The following NCK1 variants were observed in gnomAD, a reference collection of about 807,000 sequenced individuals.
The protein encoded by NCK1 is SH2/SH3 adapter protein NCK1.
NCK1 carries 19 observed loss-of-function variants against 36.6 expected under a neutral mutation model. The ratio of observed to expected loss-of-function variants is 0.52; its 90% confidence interval spans 0.36 to 0.76. The LOEUF (loss-of-function observed/expected upper bound fraction) is 0.76, where lower values mean the gene tolerates loss of function less well. NCK1 is among the 30% of genes least tolerant of loss of function. The pLI is 0.00. For missense variants in NCK1, 358 were observed against 445.6 expected, an observed-to-expected ratio of 0.80 and a Z score of 1.77; for synonymous variants, 165 against 156.0, an observed-to-expected ratio of 1.06 and a Z score of -0.43.
chr3:136,912,019 G>A (rs1939838366), intron 1 of NCK1, among the ~76,000 whole-genome samples: 1 of 152,052 alleles, frequency 6.6e-6, no homozygotes, highest in African/African-American at 2.4e-5. Context: ...CCTTTCAAGA[G>A]TCTCTGTTTC....
intron 1 of NCK1, among the ~76,000 whole-genome samples, chr3:136,903,487 C>T (rs547079174): frequency 1.3e-5 from 2 of 152,146 alleles, no homozygotes; most frequent in South Asian, 2.1e-4. Flanking sequence ...TACAATGGTG[C>T]GGTCTTGGCT....
intron 1 of NCK1, among the ~76,000 whole-genome samples, chr3:136,919,712 A>C (rs1485062294): frequency 6.6e-6 from 1 of 152,194 alleles, no homozygotes. Flanking sequence ...TTAATCAGTC[A>C]TATTGTGTAT....
At chr3:136,866,654 C>T (rs1301092647) in intron 1 of NCK1, among the ~76,000 whole-genome samples, 3 of 150,496 alleles carry the variant, frequency 2.0e-5, no homozygotes, top group Non-Finnish European at 4.4e-5. Context: ...CACTCTGTCA[C>T]CCAGGCTGGA....
chr3:136,874,817 C>A (rs986053479), intron 1 of NCK1, among the ~76,000 whole-genome samples: 2 of 143,692 alleles, frequency 1.4e-5, no homozygotes, highest in African/African-American at 5.1e-5. Context: ...AACTTTTTTT[C>A]ATGTTCATGC....
intron 1 of NCK1, among the ~76,000 whole-genome samples, chr3:136,915,929 T>C (rs1369167152): frequency 3.3e-5 from 5 of 152,136 alleles, no homozygotes; most frequent in Non-Finnish European, 7.4e-5. Context: ...TTTCACCACG[T>C]TGGCCATGCT....
At chr3:136,871,484 A>G (rs1430498723) in intron 1 of NCK1, among the ~76,000 whole-genome samples, 3 of 152,220 alleles carry the variant, frequency 2.0e-5, no homozygotes, top group Admixed American at 6.5e-5. Flanking sequence ...TAGAATGTTT[A>G]TATTTGTAGA....
In NCK1 at chr3:136,947,711, A is replaced by G. The variant is rs1940865025; in HGVS notation, c.940-548A>G. On this transcript the variant is annotated intron_variant, in intron 3 of 3. Coordinates refer to ENST00000481752, the MANE Select transcript of NCK1 (RefSeq NM_001291999.2). Reference sequence around the variant, plus strand: ...TGCCCATCTACCTTTCCACTCTGACACTTATTTACATTATTCTTTTGGCTC... The same window carrying G: ...TGCCCATCTACCTTTCCACTCTGACGCTTATTTACATTATTCTTTTGGCTC... 4.6e-5 allele frequency among the ~76,000 whole-genome samples: 7 copies of G among 152,178 alleles called. No homozygotes were observed. In the South Asian group the frequency reaches 1.5e-3, roughly 32 times the overall value.
chr3:136,930,302 CTTCCAAAA>C (rs1940358519), intron 2 of NCK1, among the ~76,000 whole-genome samples: 1 of 152,140 alleles, frequency 6.6e-6, no homozygotes, highest in African/African-American at 2.4e-5. Context: ...TTTAAAGCAT[CTTCCAAAA>C]TAAGTCTGAA....
chr3:136,892,176 C>T lies in NCK1; in HGVS notation c.-19+29823C>T, dbSNP rs1415220982. 2.0e-5 allele frequency among the ~76,000 whole-genome samples: 3 copies of T among 152,168 alleles called. No homozygotes were observed. In the South Asian group the frequency reaches 6.2e-4, roughly 31 times the overall value. ...GTGTTGGGATTATAGGTGTGAGTCA[C>T]CACACCCAGCTGGATTTTGTTGTTG... On this transcript the variant is annotated intron_variant, in intron 1 of 3. Transcript: ENST00000481752.
chr3:136,931,314 G>C (rs1201572001), intron 2 of NCK1, among the ~76,000 whole-genome samples: 1 of 152,094 alleles, frequency 6.6e-6, no homozygotes, highest in Admixed American at 6.5e-5. Context: ...TTGAACATTT[G>C]CTTGGTGTTT....
chr3:136,884,573 T>G (rs1022496504), intron 1 of NCK1, among the ~76,000 whole-genome samples: 1 of 151,836 alleles, frequency 6.6e-6, no homozygotes, highest in Non-Finnish European at 1.5e-5. Flanking sequence ...CCAGAGTAGC[T>G]GGGATTAGAG....
Position 136,945,561 on chromosome 3 carries a change from T to C in NCK1, c.227-22T>C, listed in dbSNP as rs137920757. ...ATCATTTTTTTATATTCTCCTCTCA[T>C]GGCCCTTTTTAATTTCAACAGGCAT... On this transcript the variant is annotated intron_variant, in intron 2 of 3. Coordinates refer to ENST00000481752, the MANE Select transcript of NCK1 (RefSeq NM_001291999.2). The C allele has an allele frequency of 4.5e-4, 673 of 1,506,316 alleles. 4 individuals carry two copies. The African/African-American group carries it at 7.5e-3, about 17-fold the overall frequency. The allele number at this position is 1,506,316 out of a possible 1,614,324, so 93.3% of individuals were successfully genotyped here.
At position 136,945,704 on chromosome 3, in the gene NCK1, C is replaced by T. The variant is rs1940796368; in HGVS notation, c.348C>T (p.Asn116=). 6.2e-7 allele frequency: 1 copy of T among 1,613,996 alleles called. No individual in the cohort carries two copies. The highest frequency in any genetic ancestry group is 1.7e-5 in the Admixed American group (1 of 60,000). The change falls in exon 3 of 4, where the codon AAC becomes AAT. Residue 116 remains asparagine (N), a synonymous_variant. Coordinates refer to ENST00000481752, the MANE Select transcript of NCK1 (RefSeq NM_001291999.2). ...ACATGCCCGCTTATGTGAAATTTAA[C>T]TACATGGCTGAGAGAGAGGATGAAT... The part of the protein sequence containing the change: ...DLNMPAYVKF[N]YMAEREDELS...
chr3:136,940,441 G>A (rs1940641776), intron 2 of NCK1, among the ~76,000 whole-genome samples: 2 of 152,006 alleles, frequency 1.3e-5, no homozygotes, highest in African/African-American at 4.8e-5. Context: ...TATGCCTTGA[G>A]GCTCTCTTGT....
intron 1 of NCK1, among the ~76,000 whole-genome samples, chr3:136,870,685 T>C (rs1259440492): frequency 3.1e-5 from 3 of 97,028 alleles, no homozygotes; most frequent in Non-Finnish European, 6.4e-5. Flanking sequence ...AGCTATAGTC[T>C]TTAAAAAAAA....
chr3:136,878,506 G>T (rs908469042), intron 1 of NCK1, among the ~76,000 whole-genome samples: 3 of 152,276 alleles, frequency 2.0e-5, no homozygotes, highest in Non-Finnish European at 4.4e-5. Flanking sequence ...TAGAGATAGA[G>T]TGGTTGCATA....
chr3:136,904,325 G>T (rs1013960690), intron 1 of NCK1, among the ~76,000 whole-genome samples: 2 of 152,022 alleles, frequency 1.3e-5, no homozygotes, highest in Non-Finnish European at 2.9e-5. Context: ...GCTAATTTTT[G>T]TATTTTTAGT....
At chr3:136,872,622 G>T (rs1938656974) in intron 1 of NCK1, among the ~76,000 whole-genome samples, 1 of 152,254 alleles carries the variant, frequency 6.6e-6, no homozygotes, top group African/African-American at 2.4e-5. Context: ...TGCAGGGCGT[G>T]TCGGAGGTCT....
chr3:136,869,356 G>T (rs1408015651), intron 1 of NCK1, among the ~76,000 whole-genome samples: 1 of 152,208 alleles, frequency 6.6e-6, no homozygotes, highest in Non-Finnish European at 1.5e-5. Flanking sequence ...AGACCAGCTT[G>T]GCCAACATGG....
Sources: allele counts gnomAD v4.1 joint callset (sites outside exome capture counted in the v4.1 genomes callset), GRCh38; gene constraint gnomAD v4.1.1; transcripts MANE v1.5; gene names NCBI Gene and HGNC (gene_info 2026-07-23, HGNC 2026-07-21).